Variants in SORBS2 observed in about 807,000 individuals in gnomAD.
The protein encoded by SORBS2 is sorbin and SH3 domain containing 2.
Under a neutral mutation model 97.7 loss-of-function variants are expected in SORBS2, and 46 were observed. The ratio of observed to expected loss-of-function variants is 0.47; its 90% confidence interval spans 0.37 to 0.60. The LOEUF is 0.60. SORBS2 is among the 20% of genes least tolerant of loss of function. The probability of loss-of-function intolerance (pLI) is 0.00; values close to 1 mark genes in which losing one functional copy is unlikely to be tolerated. For missense variants in SORBS2, 1,316 were observed against 1,282.3 expected, an observed-to-expected ratio of 1.03 and a Z score of -0.40; for synonymous variants, 476 against 473.4, an observed-to-expected ratio of 1.01 and a Z score of -0.07.
intron 1 of SORBS2, among the ~76,000 whole-genome samples, chr4:185,886,893 A>T (rs934390493): frequency 6.6e-6 from 1 of 152,238 alleles, no homozygotes; most frequent in Non-Finnish European, 1.5e-5. Context: ...CCCAAAGGGT[A>T]TAACTTAGAC....
intron 12 of SORBS2, among the ~76,000 whole-genome samples, chr4:185,601,890 T>C (rs1399457293): frequency 6.6e-6 from 1 of 152,174 alleles, no homozygotes; most frequent in Non-Finnish European, 1.5e-5. Flanking sequence ...GGAAGAAACC[T>C]AAAAAAGAGC....
At chr4:185,639,073 T>C in intron 4 of SORBS2, 38 bp from the exon 14 acceptor site, 1 of 1,490,598 alleles carries the variant, frequency 6.7e-7, no homozygotes, top group South Asian at 1.3e-5. Flanking sequence ...GTTCATTAGA[T>C]GGAGGCTCTG....
intron 4 of SORBS2, among the ~76,000 whole-genome samples, chr4:185,641,771 A>C (rs3749577): frequency 0.37 from 55,854 of 151,266 alleles, 10,497 homozygotes; most frequent in South Asian, 0.54. Context: ...AAAAAAAAAA[A>C]AAAACCCACC....
chr4:185,677,009 T>C (rs1454026758), intron 4 of SORBS2: 4 of 1,550,442 alleles, frequency 2.6e-6, no homozygotes, highest in South Asian at 2.4e-5. Context: ...CTCTGCAGTC[T>C]GAGGACTGAG....
intron 2 of SORBS2, among the ~76,000 whole-genome samples, chr4:185,765,512 G>A (rs2098929398): frequency 1.3e-5 from 2 of 151,986 alleles, no homozygotes; most frequent in Admixed American, 6.6e-5. Context: ...AAATTGTAAG[G>A]GGATAAAAAT....
At chr4:185,712,565 C>A (rs576559858) in intron 2 of SORBS2, among the ~76,000 whole-genome samples, 167 of 152,338 alleles carry the variant, frequency 1.1e-3, no homozygotes, top group African/African-American at 3.9e-3. Flanking sequence ...AGGCAGAGGG[C>A]CCACTAAGCT....
chr4:185,908,245 T>G (rs1296231233), intron 1 of SORBS2, among the ~76,000 whole-genome samples: 1 of 129,968 alleles, frequency 7.7e-6, no homozygotes, highest in Non-Finnish European at 1.5e-5. Flanking sequence ...AATTATGGTC[T>G]GAAATGAACT....
At chr4:185,839,136 G>T (rs78114336) in intron 1 of SORBS2, among the ~76,000 whole-genome samples, 1 of 152,140 alleles carries the variant, frequency 6.6e-6, no homozygotes, top group South Asian at 2.1e-4. Flanking sequence ...ATCCAGTAAC[G>T]GTGGGACTTA....
rs111691790 is a variant in SORBS2 at position 185,587,851 on chromosome 4, A to C, written c.2954-163T>G. On this transcript the variant is annotated intron_variant, in intron 14 of 14. Coordinates refer to ENST00000418609, the Ensembl canonical transcript of SORBS2. ...ATGAAGCCCATAGGCAGACAAAATA[A>C]GCAGTGTTAGCTGGTTGCCTGACGC... 2,824 of 603,100 alleles carry C rather than the reference A, an allele frequency of 4.7e-3. 21 individuals carry two copies. Among genetic ancestry groups the C allele is most frequent in the African/African-American group, 0.016 (872 of 53,914 alleles). 37.4% of individuals were successfully genotyped at this position (603,100 alleles called of 1,614,324 possible).
intron 13 of SORBS2, chr4:185,593,587 C>T (rs552243113): frequency 8.8e-6 from 3 of 340,488 alleles, no homozygotes; most frequent in South Asian, 9.6e-5. Context: ...TTACTCGTTA[C>T]ACAGCCAGCA....
intron 1 of SORBS2, among the ~76,000 whole-genome samples, chr4:185,952,259 C>T (rs1374475608): frequency 3.9e-5 from 6 of 152,162 alleles, no homozygotes; most frequent in African/African-American, 1.4e-4. Context: ...AACTCCTGAC[C>T]TCAAGAAATC....
At chr4:185,753,312 T>C (rs920183606) in intron 2 of SORBS2, among the ~76,000 whole-genome samples, 1 of 152,238 alleles carries the variant, frequency 6.6e-6, no homozygotes, top group Non-Finnish European at 1.5e-5. Flanking sequence ...CCTGGGAGGC[T>C]CTTTGAAAAG....
intron 1 of SORBS2, among the ~76,000 whole-genome samples, chr4:185,814,675 G>A (rs1333370689): frequency 6.6e-6 from 1 of 152,166 alleles, no homozygotes; most frequent in African/African-American, 2.4e-5. Flanking sequence ...CTCCTCCAAA[G>A]AGAACTGGAA....
chr4:185,816,696 T>G (rs1348693296), intron 1 of SORBS2, among the ~76,000 whole-genome samples: 19 of 152,188 alleles, frequency 1.2e-4, no homozygotes, highest in African/African-American at 4.6e-4. Context: ...GTATCCAGAA[T>G]GACTTTTATA....
intron 2 of SORBS2, among the ~76,000 whole-genome samples, chr4:185,693,325 G>T (rs2098126098): frequency 6.6e-6 from 1 of 152,124 alleles, no homozygotes; most frequent in Non-Finnish European, 1.5e-5. Flanking sequence ...CCTTAAGACC[G>T]CCTGTATTGA....
chr4:185,776,336 T>C (rs1362912991), intron 1 of SORBS2, among the ~76,000 whole-genome samples: 3 of 152,174 alleles, frequency 2.0e-5, no homozygotes, highest in Admixed American at 2.0e-4. Flanking sequence ...GAGATCTCTT[T>C]CTATTGTGGA....
chr4:185,940,353 G>A (rs2099271291), intron 1 of SORBS2, among the ~76,000 whole-genome samples: 3 of 152,098 alleles, frequency 2.0e-5, no homozygotes, highest in African/African-American at 7.2e-5. Flanking sequence ...CCTCATAAAT[G>A]TGCTTTTCCC....
At chr4:185,657,474 G>C (rs781276182), upstream of SORBS2, 1 of 1,565,612 alleles carries the variant, frequency 6.4e-7, no homozygotes, top group Non-Finnish European at 8.6e-7. Context: ...CCGATCCCTG[G>C]GTAATGCGGG....
chr4:185,646,508 A>C, intron 4 of SORBS2, 160 bp downstream of exon 13: 1 of 572,012 alleles, frequency 1.7e-6, no homozygotes, highest in Non-Finnish European at 3.1e-6. Flanking sequence ...TGTATCTTTC[A>C]ATTCTGAGAT....
Sources: allele counts gnomAD v4.1 joint callset (sites outside exome capture counted in the v4.1 genomes callset), GRCh38; gene constraint gnomAD v4.1.1; transcripts MANE v1.5; gene names NCBI Gene and HGNC (gene_info 2026-07-23, HGNC 2026-07-21).